The following SEC24B variants were observed in gnomAD, a reference collection of about 807,000 sequenced individuals.
SEC24B encodes protein transport protein Sec24B.
Under a neutral mutation model 142.8 loss-of-function variants are expected in SEC24B, and 45 were observed. The ratio of observed to expected loss-of-function variants is 0.32; its 90% confidence interval spans 0.25 to 0.40. The LOEUF (loss-of-function observed/expected upper bound fraction) is 0.40, where lower values mean the gene tolerates loss of function less well. SEC24B is among the 10% of genes least tolerant of loss of function. The probability of loss-of-function intolerance (pLI) is 1.00; values close to 1 mark genes in which losing one functional copy is unlikely to be tolerated. For missense variants in SEC24B, 1,409 were observed against 1,526.8 expected, an observed-to-expected ratio of 0.92 and a Z score of 1.29; for synonymous variants, 574 against 568.2, an observed-to-expected ratio of 1.01 and a Z score of -0.15.
At chr4:109,518,813 T>C (rs1723270748) in intron 11 of SEC24B, among the ~76,000 whole-genome samples, 1 of 148,756 alleles carries the variant, frequency 6.7e-6, no homozygotes, top group Non-Finnish European at 1.5e-5. Flanking sequence ...CTTTTTTTTT[T>C]TTTTTTTTTT....
At chr4:109,492,649 T>C (rs1735136368) in intron 5 of SEC24B, among the ~76,000 whole-genome samples, 1 of 152,232 alleles carries the variant, frequency 6.6e-6, no homozygotes, top group African/African-American at 2.4e-5. Flanking sequence ...GTAGCAGTAA[T>C]GTTAAATGAA....
rs1282381131 is a variant in SEC24B at position 109,453,449 on chromosome 4, C to A, written c.134-9452C>A. Among the ~76,000 whole-genome samples, 141 of 114,892 alleles carry A rather than the reference C, an allele frequency of 1.2e-3. 14 individuals are homozygous for A. The highest frequency in any genetic ancestry group is 4.2e-3 in the African/African-American group (137 of 32,752). 75.4% of individuals were successfully genotyped at this position (114,892 alleles called of 152,430 possible). On this transcript the variant is annotated intron_variant, in intron 1 of 23. Coordinates refer to ENST00000265175, the MANE Select transcript of SEC24B (RefSeq NM_006323.5). The stretch of plus-strand genomic sequence containing the variant: ...AGGGTGGCCATTTTAGGCCCCCCCC[C>A]CCCCCCCCCCGAATGGCTGTTAATT...
chr4:109,453,972 C>T (rs1424237241), intron 1 of SEC24B, among the ~76,000 whole-genome samples: 1 of 152,106 alleles, frequency 6.6e-6, no homozygotes, highest in Non-Finnish European at 1.5e-5. Flanking sequence ...ATTCTCCTGC[C>T]TCAGCCTCCC....
intron 19 of SEC24B, 46 bp downstream of exon 19, chr4:109,530,510 C>T (rs1158914417): frequency 6.8e-7 from 1 of 1,460,862 alleles, no homozygotes; most frequent in African/African-American, 1.4e-5. Flanking sequence ...TTTTAAAATT[C>T]TCAGATATGT....
intron 1 of SEC24B, among the ~76,000 whole-genome samples, chr4:109,457,295 G>T (rs1254401793): frequency 1.3e-5 from 2 of 152,192 alleles, no homozygotes; most frequent in East Asian, 3.8e-4. Flanking sequence ...TGAAATTAAG[G>T]TGTTGGCAGG....
At chr4:109,520,242 T>G in intron 11 of SEC24B, 124 bp from the exon 12 acceptor site, 1 of 634,480 alleles carries the variant, frequency 1.6e-6, no homozygotes, top group Non-Finnish European at 2.8e-6. Flanking sequence ...GGGATAATTT[T>G]TCTGTCCCCT....
intron 21 of SEC24B, 48 bp from the exon 22 acceptor site, chr4:109,533,545 G>C: frequency 8.8e-7 from 1 of 1,133,010 alleles, no homozygotes; most frequent in Non-Finnish European, 1.3e-6. Flanking sequence ...TAATGAAAAT[G>C]AATTAACTAT....
At chr4:109,441,565 A>G (rs1268157816) in intron 1 of SEC24B, among the ~76,000 whole-genome samples, 1 of 152,112 alleles carries the variant, frequency 6.6e-6, no homozygotes, top group Admixed American at 6.5e-5. Flanking sequence ...CTGAGTAGCT[A>G]GGACTACAGG....
At chr4:109,450,515 G>A (rs1399177200) in intron 1 of SEC24B, among the ~76,000 whole-genome samples, 1 of 151,740 alleles carries the variant, frequency 6.6e-6, no homozygotes, top group Non-Finnish European at 1.5e-5. Context: ...AAAATTAGCT[G>A]GACGCAGTGG....
chr4:109,482,979 T>C (rs6814018), intron 4 of SEC24B, among the ~76,000 whole-genome samples: 15,038 of 26,330 alleles, frequency 0.57, 5,254 homozygotes, highest in African/African-American at 0.83. Flanking sequence ...TATATATATA[T>C]ACACACACAC....
chr4:109,481,898 T>TA (rs764521834), intron 4 of SEC24B, 117 bp downstream of exon 4: 10 of 699,882 alleles, frequency 1.4e-5, no homozygotes, highest in Admixed American at 2.6e-5. Context: ...ATGATGAACT[T>TA]ACGAGGTTTG....
At chr4:109,476,643 AATT>A (rs1160944374) in intron 3 of SEC24B, among the ~76,000 whole-genome samples, 3 of 152,310 alleles carry the variant, frequency 2.0e-5, no homozygotes, top group Admixed American at 1.3e-4. Context: ...ACATGTCAGA[AATT>A]ATTGTTTGTT....
intron 3 of SEC24B, among the ~76,000 whole-genome samples, chr4:109,479,104 A>T (rs1460587202): frequency 6.6e-6 from 1 of 152,344 alleles, no homozygotes; most frequent in South Asian, 2.1e-4. Flanking sequence ...GTTCTCCTGG[A>T]AAGATTTGCC....
Position 109,526,185 on chromosome 4 carries a change from A to C in SEC24B, c.2792-41A>C, listed in dbSNP as rs768301160. ...AGTAACTTTAGCTTGAGGTGAAGAT[A>C]CTATTGTTAACTTGATTTTTTATGA... On this transcript the variant is annotated intron_variant, in intron 16 of 23. Coordinates refer to ENST00000265175, the MANE Select transcript of SEC24B (RefSeq NM_006323.5). The C allele has an allele frequency of 1.9e-6, 3 of 1,572,298 alleles. No homozygotes were observed. In the South Asian group the frequency reaches 3.4e-5, roughly 18 times the overall value.
At chr4:109,450,512 G>T (rs1729955692) in intron 1 of SEC24B, among the ~76,000 whole-genome samples, 1 of 151,672 alleles carries the variant, frequency 6.6e-6, no homozygotes, top group African/African-American at 2.4e-5. Flanking sequence ...ACAAAAATTA[G>T]CTGGACGCAG....
rs371410548 is a variant in SEC24B at position 109,524,847 on chromosome 4, T to C, written c.2538T>C (p.Asp846=). The C allele has an allele frequency of 3.1e-6, 5 of 1,612,314 alleles. No individual in the cohort carries two copies. The highest frequency in any genetic ancestry group is 4.2e-6 in the Non-Finnish European group (5 of 1,179,030). ...KVVQHLGPAT[D]FYKKLALDCS... is the part of the protein sequence containing the mutation. Reference sequence around the variant, plus strand: ...TACAACATCTTGGCCCTGCAACTGATTTTTATAAGAAACTTGCATTAGATT... The same window carrying C: ...TACAACATCTTGGCCCTGCAACTGACTTTTATAAGAAACTTGCATTAGATT... The change falls in exon 15 of 24, where the codon GAT becomes GAC. Residue 846 remains aspartate, a synonymous_variant. Coordinates refer to ENST00000265175, the MANE Select transcript of SEC24B (RefSeq NM_006323.5).
intron 2 of SEC24B, among the ~76,000 whole-genome samples, chr4:109,466,866 T>C (rs1731951117): frequency 6.6e-6 from 1 of 152,222 alleles, no homozygotes; most frequent in Non-Finnish European, 1.5e-5. Flanking sequence ...TAAGCAAATA[T>C]CAAAAATATG....
intron 2 of SEC24B, among the ~76,000 whole-genome samples, chr4:109,472,720 C>T (rs897291177): frequency 2.4e-4 from 36 of 151,614 alleles, no homozygotes; most frequent in Non-Finnish European, 4.4e-4. Flanking sequence ...AGGAAGATTG[C>T]GAAATATTTT....
intron 5 of SEC24B, among the ~76,000 whole-genome samples, chr4:109,493,690 G>A (rs912979714): frequency 1.3e-5 from 2 of 150,566 alleles, no homozygotes; most frequent in Non-Finnish European, 2.9e-5. Flanking sequence ...GTGCAATGGC[G>A]CAATCTCGGC....
Sources: allele counts gnomAD v4.1 joint callset (sites outside exome capture counted in the v4.1 genomes callset), GRCh38; gene constraint gnomAD v4.1.1; transcripts MANE v1.5; gene names NCBI Gene and HGNC (gene_info 2026-07-23, HGNC 2026-07-21).